Variants in PRKCE observed in about 807,000 individuals in gnomAD.
The protein encoded by PRKCE is protein kinase C epsilon.
Under a neutral mutation model 85.4 loss-of-function variants are expected in PRKCE, and 16 were observed. The ratio of observed to expected loss-of-function variants is 0.19; its 90% CI spans 0.13 to 0.28. The LOEUF is 0.28. Ranked by LOEUF, PRKCE falls within the 10% of genes least tolerant of loss-of-function variation. The pLI is 1.00. For missense variants in PRKCE, 573 were observed against 975.2 expected (o/e 0.59, Z 5.49); for synonymous variants, 388 against 371.5 (o/e 1.04, Z -0.51).
chr2:45,753,340 C>G (rs1164884684), intron 1 of PRKCE, among the ~76,000 whole-genome samples: 2 of 152,214 alleles, frequency 1.3e-5, no homozygotes, highest in African/African-American at 4.8e-5. Context: ...AGGAGCCACA[C>G]TTCGACAACC....
At chr2:46,025,993 C>T (rs915607473) in intron 10 of PRKCE, among the ~76,000 whole-genome samples, 4 of 152,190 alleles carry the variant, frequency 2.6e-5, no homozygotes, top group Non-Finnish European at 4.4e-5. Context: ...CAGAAGCAAA[C>T]TGGGGCCTTC....
intron 1 of PRKCE, among the ~76,000 whole-genome samples, chr2:45,778,412 C>T (rs1685927232): frequency 6.6e-6 from 1 of 152,108 alleles, no homozygotes; most frequent in Non-Finnish European, 1.5e-5. Flanking sequence ...GGGAGATCCT[C>T]ATTTCGACTG....
intron 1 of PRKCE, among the ~76,000 whole-genome samples, chr2:45,765,112 C>T (rs1377354582): frequency 6.6e-6 from 1 of 152,194 alleles, no homozygotes; most frequent in Admixed American, 6.5e-5. Flanking sequence ...ATCTTCAAGT[C>T]TGGATGGAGG....
chr2:45,972,260 T>C (rs1395728557), intron 2 of PRKCE, among the ~76,000 whole-genome samples: 1 of 152,236 alleles, frequency 6.6e-6, no homozygotes, highest in Non-Finnish European at 1.5e-5. Context: ...TGGCCATTTG[T>C]ATGTCTTTAG....
At chr2:45,703,376 T>C (rs573773937) in intron 1 of PRKCE, among the ~76,000 whole-genome samples, 2 of 151,994 alleles carry the variant, frequency 1.3e-5, no homozygotes, top group Non-Finnish European at 2.9e-5. Context: ...TCTCTAAAAA[T>C]AATTTGAAAA....
intron 10 of PRKCE, among the ~76,000 whole-genome samples, chr2:46,052,245 T>A (rs1297579175): frequency 6.6e-6 from 1 of 152,180 alleles, no homozygotes; most frequent in Non-Finnish European, 1.5e-5. Flanking sequence ...TAGAAAATAC[T>A]AGTCAATACA....
intron 2 of PRKCE, among the ~76,000 whole-genome samples, chr2:45,943,392 A>G (rs555698925): frequency 1.4e-4 from 22 of 152,368 alleles, no homozygotes; most frequent in African/African-American, 5.1e-4. Flanking sequence ...CTGCCAAAAG[A>G]GGGATAGGGC....
chr2:46,070,797 T>C (rs960881381), intron 10 of PRKCE, among the ~76,000 whole-genome samples: 15 of 152,210 alleles, frequency 9.9e-5, no homozygotes, highest in African/African-American at 2.9e-4. Context: ...TTCCATGGCC[T>C]TGGGCAAGTC....
chr2:45,686,590 G>A (rs999176659), intron 1 of PRKCE, among the ~76,000 whole-genome samples: 30 of 151,964 alleles, frequency 2.0e-4, no homozygotes, highest in African/African-American at 6.5e-4. Flanking sequence ...AAAACAACAA[G>A]GTAGAAAATA....
intron 2 of PRKCE, among the ~76,000 whole-genome samples, chr2:45,938,476 C>G (rs1221722167): frequency 6.6e-6 from 1 of 152,156 alleles, no homozygotes; most frequent in East Asian, 1.9e-4. Context: ...CTATAGATAT[C>G]CCTGCATTTT....
At chr2:45,741,026 A>G (rs1444073490) in intron 1 of PRKCE, among the ~76,000 whole-genome samples, 2 of 152,206 alleles carry the variant, frequency 1.3e-5, no homozygotes, top group Non-Finnish European at 2.9e-5. Context: ...TTTTTTCTGA[A>G]ATGATCTTTT....
intron 1 of PRKCE, among the ~76,000 whole-genome samples, chr2:45,830,684 T>TG (rs35926579): frequency 0.78 from 119,121 of 151,940 alleles, 47,146 homozygotes; most frequent in African/African-American, 0.88. Context: ...TTTAGAATAC[T>TG]AGGATAAAGA....
intron 1 of PRKCE, among the ~76,000 whole-genome samples, chr2:45,785,581 C>T (rs965483772): frequency 3.3e-5 from 5 of 152,018 alleles, no homozygotes; most frequent in Admixed American, 6.5e-5. Context: ...GTTTGAGAAA[C>T]GCTGTAGAAG....
At chr2:46,161,275 C>CCCCA (rs1393995663) in intron 14 of PRKCE, among the ~76,000 whole-genome samples, 6 of 152,202 alleles carry the variant, frequency 3.9e-5, no homozygotes, top group African/African-American at 1.4e-4. Flanking sequence ...GGAAGTAGGA[C>CCCCA]CCCAGAGGCC....
chr2:45,876,962 G>A (rs558540927), intron 2 of PRKCE, among the ~76,000 whole-genome samples: 36 of 152,216 alleles, frequency 2.4e-4, no homozygotes, highest in African/African-American at 7.7e-4. Context: ...GAGCATTCTT[G>A]TTATCCTTAG....
intron 1 of PRKCE, among the ~76,000 whole-genome samples, chr2:45,791,765 C>T (rs1418586519): frequency 1.3e-5 from 2 of 152,218 alleles, no homozygotes; most frequent in African/African-American, 2.4e-5. Context: ...TAAAGGGTCA[C>T]TGAGGCTCAG....
At chr2:45,998,904 T>A (rs950686204) in intron 6 of PRKCE, among the ~76,000 whole-genome samples, 2 of 152,184 alleles carry the variant, frequency 1.3e-5, no homozygotes, top group South Asian at 4.1e-4. Context: ...CAAATCCAAA[T>A]CTACTTTCAA....
chr2:45,768,220 T>G (rs1335193908), intron 1 of PRKCE, among the ~76,000 whole-genome samples: 2 of 139,988 alleles, frequency 1.4e-5, no homozygotes, highest in Admixed American at 1.3e-4. Flanking sequence ...CAGAAAGAAA[T>G]CAAAACACGA....
chr2:45,988,764 C>T (rs13403367), intron 6 of PRKCE, among the ~76,000 whole-genome samples: 7,783 of 152,302 alleles, frequency 0.051, 263 homozygotes, highest in Middle Eastern at 0.13. Flanking sequence ...CAGAAATCAG[C>T]TTCCCAGGTT....
Sources: allele counts gnomAD v4.1 joint callset (sites outside exome capture counted in the v4.1 genomes callset), GRCh38; gene constraint gnomAD v4.1.1; transcripts MANE v1.5; gene names NCBI Gene and HGNC (gene_info 2026-07-23, HGNC 2026-07-21).